Variants in ILDR1 observed in about 807,000 individuals in gnomAD.
ILDR1 encodes immunoglobulin-like domain-containing receptor 1.
In ILDR1, 56 loss-of-function variants were observed where a neutral mutation model predicts 62.4. The ratio of observed to expected loss-of-function variants is 0.90; its 90% CI spans 0.72 to 1.12. ILDR1 has a LOEUF of 1.12. Ranked by LOEUF, ILDR1 falls within the 50% of genes most tolerant of loss-of-function variation. The pLI is 0.00. For missense variants in ILDR1, 736 were observed against 710.6 expected (o/e 1.04, Z -0.41); for synonymous variants, 284 against 277.8 (o/e 1.02, Z -0.22).
At chr3:121,991,858 C>T (rs1156429009) in intron 7 of ILDR1, among the ~76,000 whole-genome samples, 3 of 152,204 alleles carry the variant, frequency 2.0e-5, no homozygotes, top group African/African-American at 7.2e-5. Flanking sequence ...AGAACATGTA[C>T]TTCCAAATGA....
chr3:121,990,972 C>T (rs540206296), intron 7 of ILDR1, among the ~76,000 whole-genome samples: 19 of 152,222 alleles, frequency 1.2e-4, no homozygotes, highest in Admixed American at 2.6e-4. Context: ...GAGGTCGAGG[C>T]GGGCAGATCA....
At chr3:122,032,462 A>C in the ILDR1 span, among the ~76,000 whole-genome samples, 3 of 152,218 alleles carry the variant, frequency 2.0e-5, no homozygotes, top group African/African-American at 7.2e-5. Context: ...AGGGTCACCC[A>C]TCCATCCATT....
the ILDR1 span, among the ~76,000 whole-genome samples, chr3:122,029,812 A>T: frequency 6.6e-6 from 1 of 152,182 alleles, no homozygotes; most frequent in South Asian, 2.1e-4. Context: ...TAAACCAAGT[A>T]TGTTTGTGCC....
chr3:122,043,389 G>C, the ILDR1 span, among the ~76,000 whole-genome samples: 1 of 137,574 alleles, frequency 7.3e-6, no homozygotes, highest in Non-Finnish European at 1.6e-5. Flanking sequence ...GGATTGACTT[G>C]GCGATGTGGG....
the ILDR1 span, among the ~76,000 whole-genome samples, chr3:122,045,898 G>T: frequency 2.6e-5 from 4 of 151,174 alleles, no homozygotes; most frequent in Admixed American, 2.6e-4. Flanking sequence ...TCTTTTAATT[G>T]GAGAATTTAG....
At chr3:122,029,730 T>G in the ILDR1 span, among the ~76,000 whole-genome samples, 1,074 of 152,198 alleles carry the variant, frequency 7.1e-3, 9 homozygotes, top group Non-Finnish European at 7.2e-3. Flanking sequence ...TATGTAGTTT[T>G]ATGTATCTTT....
chr3:122,055,968 CAT>C, the ILDR1 span, among the ~76,000 whole-genome samples: 4 of 152,236 alleles, frequency 2.6e-5, no homozygotes, highest in Non-Finnish European at 4.4e-5. Context: ...GTTAATATGT[CAT>C]AATCAGGCCA....
At chr3:122,046,269 G>C in the ILDR1 span, among the ~76,000 whole-genome samples, 2 of 149,628 alleles carry the variant, frequency 1.3e-5, no homozygotes, top group Non-Finnish European at 3.0e-5. Context: ...TGGCTTGTAG[G>C]GTTTCTGCCG....
the ILDR1 span, among the ~76,000 whole-genome samples, chr3:122,041,885 A>T: frequency 6.7e-6 from 1 of 150,290 alleles, no homozygotes; most frequent in Non-Finnish European, 1.5e-5. Flanking sequence ...TTCCTTTCCA[A>T]TTTGAATGCC....
rs754359747 is a variant in ILDR1, at chr3:122,007,061, G to C, written c.159C>G (p.Leu53=). 3.4e-5 allele frequency: 55 copies of C among 1,613,966 alleles called. No individual in the cohort carries two copies. Among genetic ancestry groups the C allele is most frequent in the Non-Finnish European group, 4.7e-5 (55 of 1,180,036 alleles). ...LKCDYTTSAQ[L]QDVVVTWRFK... ...AGCGCCATGTCACCACCACGTCCTG[G>C]AGCTGGGCAGAGGTGGTGTAGTCAC... Residue 53 remains leucine, a synonymous_variant, in exon 2 of 8, where the codon CTC becomes CTG. Coordinates refer to ENST00000344209, the MANE Select transcript of ILDR1 (RefSeq NM_001199799.2).
At chr3:122,005,874 G>A (rs1242707441) in intron 2 of ILDR1, among the ~76,000 whole-genome samples, 1 of 151,856 alleles carries the variant, frequency 6.6e-6, no homozygotes, top group Admixed American at 6.6e-5. Context: ...ACTCCAGCCT[G>A]GGCAACAAGA....
At chr3:122,029,223 G>C in the ILDR1 span, among the ~76,000 whole-genome samples, 11 of 152,032 alleles carry the variant, frequency 7.2e-5, no homozygotes, top group Non-Finnish European at 1.3e-4. Context: ...AATATACAGG[G>C]GGGCCGGGTG....
upstream of ILDR1, among the ~76,000 whole-genome samples, chr3:122,026,408 AATTG>A (rs1390629787): frequency 1.3e-5 from 2 of 152,216 alleles, no homozygotes; most frequent in Non-Finnish European, 2.9e-5. Context: ...GAACTGACAT[AATTG>A]ATGATCAATT....
chr3:122,019,188 C>A (rs1177280359), intron 1 of ILDR1, among the ~76,000 whole-genome samples: 2 of 152,150 alleles, frequency 1.3e-5, no homozygotes, highest in Non-Finnish European at 2.9e-5. Flanking sequence ...TATTAGCCAA[C>A]AATGGTACTT....
At chr3:122,057,556 G>A in the ILDR1 span, among the ~76,000 whole-genome samples, 8 of 152,072 alleles carry the variant, frequency 5.3e-5, no homozygotes, top group Admixed American at 2.0e-4. Flanking sequence ...TTTCTACTGT[G>A]TGCTTTTCAA....
At chr3:122,009,612 G>A (rs893959668) in intron 1 of ILDR1, among the ~76,000 whole-genome samples, 1 of 152,054 alleles carries the variant, frequency 6.6e-6, no homozygotes, top group Non-Finnish European at 1.5e-5. Context: ...CCCTTATTAC[G>A]AGGGCCAAGG....
At chr3:122,041,796 C>A in the ILDR1 span, among the ~76,000 whole-genome samples, 4 of 148,490 alleles carry the variant, frequency 2.7e-5, no homozygotes, top group Non-Finnish European at 6.0e-5. Context: ...TTAGATTTAA[C>A]TTTTTTTTTT....
chr3:121,996,895 T>G (rs890986196), intron 5 of ILDR1, among the ~76,000 whole-genome samples: 2 of 152,134 alleles, frequency 1.3e-5, no homozygotes, highest in African/African-American at 4.8e-5. Flanking sequence ...TTGTTTTTTT[T>G]GTTGTTGTTG....
At chr3:122,033,324 T>C in the ILDR1 span, among the ~76,000 whole-genome samples, 1 of 151,832 alleles carries the variant, frequency 6.6e-6, no homozygotes, top group Non-Finnish European at 1.5e-5. Context: ...CTTTTGTTTT[T>C]TTATTTATTC....
Sources: allele counts gnomAD v4.1 joint callset (sites outside exome capture counted in the v4.1 genomes callset), GRCh38; gene constraint gnomAD v4.1.1; transcripts MANE v1.5; gene names NCBI Gene and HGNC (gene_info 2026-07-23, HGNC 2026-07-21).